ZNF84: variants seen among roughly 807,000 people sequenced by gnomAD.
ZNF84 encodes zinc finger protein 84, also known as zinc finger protein HPF2.
ZNF84 carries 12 observed loss-of-function variants against 14.8 expected under a neutral mutation model. The ratio of observed to expected loss-of-function variants is 0.81; its 90% CI spans 0.52 to 1.31. ZNF84 has a LOEUF of 1.31. Among genes scored for constraint, ZNF84 ranks in the 50% most tolerant of loss-of-function variants. The pLI, the probability that ZNF84 is intolerant of heterozygous loss-of-function variation, is 0.00. For missense variants in ZNF84, 859 were observed against 878.6 expected (o/e 0.98, Z 0.28); for synonymous variants, 347 against 291.1 (o/e 1.19, Z -1.96).
intron 1 of ZNF84, among the ~76,000 whole-genome samples, chr12:133,038,222 ATAATT>A (rs1481805070): frequency 1.3e-5 from 2 of 152,180 alleles, no homozygotes; most frequent in Non-Finnish European, 2.9e-5. Context: ...TATTCATTAA[ATAATT>A]TAATTTTACT....
chr12:133,047,802 A>G lies in ZNF84; in HGVS notation c.16-153A>G, dbSNP rs1215064323. On this transcript the variant is annotated intron_variant, in intron 2 of 4. Coordinates refer to ENST00000539354, the MANE Select transcript of ZNF84 (RefSeq NM_001289971.2). ...AAATGGAAGGATGGAAGAATGCACA[A>G]TGACATTTTATCACACAAAATATGC... The G allele has an allele frequency of 9.1e-6, 7 of 767,924 alleles. No homozygotes were observed. The African/African-American group carries it at 1.2e-4, about 13-fold the overall frequency. The allele number at this position is 767,924 out of a possible 1,614,324, so 47.6% of individuals were successfully genotyped here. A position where few individuals can be genotyped will look rare whatever the true frequency, so the allele number is the denominator to read the frequency against.
intron 3 of ZNF84, chr12:133,048,445 A>G (rs1367316962): frequency 3.4e-6 from 1 of 291,968 alleles, no homozygotes; most frequent in Admixed American, 4.6e-5. Flanking sequence ...GTCATTATCC[A>G]TTTTTCCTGA....
intron 1 of ZNF84, 46 bp downstream of exon 1, chr12:133,037,591 G>A (rs1953803630): frequency 6.6e-6 from 1 of 151,688 alleles, no homozygotes; most frequent in South Asian, 2.1e-4. Flanking sequence ...GGGGCTCCGG[G>A]AATGGCGGGG....
At chr12:133,044,151 TTTTTG>T (rs1408209998) in intron 2 of ZNF84, among the ~76,000 whole-genome samples, 2 of 151,788 alleles carry the variant, frequency 1.3e-5, no homozygotes, top group African/African-American at 2.4e-5. Flanking sequence ...TTTTTTTTTC[TTTTTG>T]TTTTAAGAGA....
At chr12:133,053,787 C>T (rs72488132) in intron 4 of ZNF84, among the ~76,000 whole-genome samples, 19,869 of 151,828 alleles carry the variant, frequency 0.13, 1,530 homozygotes, top group South Asian at 0.23. Flanking sequence ...TGATTTTAAC[C>T]CTCATATTTC....
chr12:133,041,968 T>C (rs1953896497), intron 2 of ZNF84, among the ~76,000 whole-genome samples: 1 of 152,222 alleles, frequency 6.6e-6, no homozygotes, highest in Admixed American at 6.5e-5. Context: ...TTTGAAAATA[T>C]TAAATAGAAA....
At chr12:133,046,960 T>C (rs898425484) in intron 2 of ZNF84, among the ~76,000 whole-genome samples, 311 of 130,356 alleles carry the variant, frequency 2.4e-3, no homozygotes, top group Admixed American at 5.1e-3. Context: ...TATTATATTA[T>C]GTATTATATT....
intron 4 of ZNF84, among the ~76,000 whole-genome samples, chr12:133,050,347 G>T (rs751204345): frequency 3.3e-5 from 5 of 152,206 alleles, no homozygotes; most frequent in Non-Finnish European, 7.3e-5. Flanking sequence ...CCGGAGGTTT[G>T]CTCTGCCATA....
intron 4 of ZNF84, among the ~76,000 whole-genome samples, chr12:133,051,603 T>A (rs888716140): frequency 1.5e-3 from 231 of 152,306 alleles, no homozygotes; most frequent in African/African-American, 5.4e-3. Flanking sequence ...GGTCAAAGTT[T>A]ACTATCCCTC....
intron 4 of ZNF84, 33 bp downstream of exon 4, chr12:133,048,881 A>G: frequency 1.3e-6 from 2 of 1,563,350 alleles, no homozygotes; most frequent in Non-Finnish European, 1.8e-6. Context: ...GATGGGAGAG[A>G]GCAGAAGCCC....
chr12:133,048,682 C>A, intron 3 of ZNF84, 71 bp from the exon 4 acceptor site: 2 of 1,177,346 alleles, frequency 1.7e-6, no homozygotes, highest in Non-Finnish European at 1.2e-6. Context: ...GATGTGAAAC[C>A]TTGCTCAACT....
Position 133,062,307 on chromosome 12 carries a change from A to G in ZNF84, c.*3375A>G, listed in dbSNP as rs1036476409. ...GACATCATTACCTATGGGTCCATAT[A>G]TTTGTGATACTTTGGTTTCGGGAAC... is the stretch of plus-strand genomic sequence containing the variant. On this transcript the variant is annotated 3_prime_UTR_variant, in exon 5 of 5. Transcript: ENST00000539354. 17 of 152,188 alleles carry G rather than the reference A, an allele frequency of 1.1e-4. No individual in the cohort carries two copies. Among genetic ancestry groups the G allele is most frequent in the African/African-American group, 4.1e-4 (17 of 41,422 alleles). The allele number at this position is 152,188 out of a possible 1,614,324, so 9.4% of individuals were successfully genotyped here. A position where few individuals can be genotyped will look rare whatever the true frequency, so the allele number is the denominator to read the frequency against.
In ZNF84 at chr12:133,058,053, CAT is replaced by C; in HGVS notation, c.1341_1342del (p.Ser448ThrfsTer15). 6.2e-7 allele frequency: 1 copy of C among 1,613,762 alleles called. No individual in the cohort carries two copies. Among genetic ancestry groups the C allele is most frequent in the Non-Finnish European group, 8.5e-7 (1 of 1,179,972 alleles). ...AGGCCTTCTCCCAGAAGTCACATCT[CAT>C]ATCACATCAGATGACACACACAGGA... Reference protein sequence around the residue: ...GKAFSQKSHLISHQMTHTGEK... With the variant: ...GKAFSQKSHLXSHQMTHTGEK... On this transcript the variant is annotated frameshift_variant, in exon 5 of 5. Transcript: ENST00000539354. LOFTEE classifies it low-confidence loss of function (END_TRUNC).
intron 3 of ZNF84, chr12:133,048,522 G>A (rs1024223262): frequency 3.4e-5 from 12 of 348,544 alleles, no homozygotes; most frequent in Admixed American, 1.7e-4. Flanking sequence ...AAATTAAAGA[G>A]CCTGGATGTA....
At chr12:133,052,904 G>A (rs1954096460) in intron 4 of ZNF84, among the ~76,000 whole-genome samples, 1 of 152,188 alleles carries the variant, frequency 6.6e-6, no homozygotes, top group Admixed American at 6.5e-5. Flanking sequence ...GTCAGAAAAT[G>A]GTTTAGTTAC....
chr12:133,038,326 C>T (rs931572649), intron 1 of ZNF84, among the ~76,000 whole-genome samples: 41 of 152,034 alleles, frequency 2.7e-4, no homozygotes, highest in Non-Finnish European at 4.6e-4. Context: ...TTCTCTGGAG[C>T]CAGTGTCAAA....
intron 4 of ZNF84, among the ~76,000 whole-genome samples, chr12:133,051,078 T>G (rs1482605308): frequency 6.6e-6 from 1 of 151,350 alleles, no homozygotes; most frequent in Non-Finnish European, 1.5e-5. Context: ...TGTGCCACCA[T>G]GCCTGTGTTT....
chr12:133,039,909 A>G (rs957555603), intron 1 of ZNF84, among the ~76,000 whole-genome samples: 1 of 151,676 alleles, frequency 6.6e-6, no homozygotes, highest in African/African-American at 2.4e-5. Context: ...CTGGAGTACA[A>G]TGGCACGGGC....
At chr12:133,048,387 G>A (rs1339932946) in intron 3 of ZNF84, 3 of 290,694 alleles carry the variant, frequency 1.0e-5, no homozygotes, top group South Asian at 6.0e-5. Flanking sequence ...AGTGCTTTAC[G>A]TATATCAACT....
Sources: allele counts gnomAD v4.1 joint callset (sites outside exome capture counted in the v4.1 genomes callset), GRCh38; gene constraint gnomAD v4.1.1; transcripts MANE v1.5; gene names NCBI Gene and HGNC (gene_info 2026-07-23, HGNC 2026-07-21).